Variants in DENND2B observed in about 807,000 individuals in gnomAD.
DENND2B encodes DENN domain containing 2B.
Under a neutral mutation model 116.0 loss-of-function variants are expected in DENND2B, and 32 were observed. The observed-to-expected ratio is 0.28, with a 90% CI of 0.21 to 0.37. The LOEUF (loss-of-function observed/expected upper bound fraction) is 0.37, where lower values mean the gene tolerates loss of function less well. Ranked by LOEUF, DENND2B falls within the 10% of genes least tolerant of loss-of-function variation. DENND2B has a pLI of 1.00. For synonymous variants in DENND2B, 588 were observed against 583.9 expected (o/e 1.01, Z -0.10); for missense variants, 1,276 against 1,477.7 (o/e 0.86, Z 2.24).
intron 3 of DENND2B, among the ~76,000 whole-genome samples, chr11:8,853,825 T>G (rs987953457): frequency 6.6e-6 from 1 of 151,936 alleles, no homozygotes; most frequent in Non-Finnish European, 1.5e-5. Flanking sequence ...TTTTTTAGAA[T>G]GTACTGCAAA....
intron 1 of DENND2B, among the ~76,000 whole-genome samples, chr11:8,764,356 G>A (rs574913572): frequency 5.9e-5 from 9 of 152,312 alleles, no homozygotes; most frequent in African/African-American, 2.2e-4. Flanking sequence ...TTTGGAAGTA[G>A]GAGAAGAAAG....
chr11:8,858,874 C>T (rs1485336025), intron 2 of DENND2B, among the ~76,000 whole-genome samples: 4 of 152,148 alleles, frequency 2.6e-5, no homozygotes, highest in Non-Finnish European at 4.4e-5. Context: ...AATAAAAATA[C>T]CTATATTATA....
chr11:8,756,865 C>T (rs148361038), intron 1 of DENND2B, among the ~76,000 whole-genome samples: 2 of 152,332 alleles, frequency 1.3e-5, no homozygotes, highest in East Asian at 3.9e-4. Context: ...TGATGAGAGG[C>T]TTCTTTGCTA....
intron 9 of DENND2B, 27 bp from the exon 10 acceptor site, chr11:8,711,258 G>T: frequency 6.2e-7 from 1 of 1,607,156 alleles, no homozygotes; most frequent in South Asian, 1.1e-5. Context: ...ACCAGGAGAT[G>T]ACATGGAACC....
intron 1 of DENND2B, among the ~76,000 whole-genome samples, chr11:8,806,547 T>C (rs960010589): frequency 2.7e-5 from 4 of 149,218 alleles, no homozygotes; most frequent in African/African-American, 9.9e-5. Flanking sequence ...AAGGGGTCTT[T>C]GGAGAAATTC....
intron 1 of DENND2B, among the ~76,000 whole-genome samples, chr11:8,884,826 G>A (rs548108057): frequency 6.6e-6 from 1 of 152,208 alleles, no homozygotes; most frequent in African/African-American, 2.4e-5. Flanking sequence ...CTTAAACAGG[G>A]AGCCATTCAT....
chr11:8,722,304 T>G (rs968426648), intron 4 of DENND2B, among the ~76,000 whole-genome samples: 5 of 152,124 alleles, frequency 3.3e-5, no homozygotes, highest in Non-Finnish European at 5.9e-5. Flanking sequence ...CCTCCACCTA[T>G]GACAGACAGG....
rs192123062 is a variant in DENND2B at position 8,839,986 on chromosome 11, G to C, written c.-155-636C>G. 3.4e-4 allele frequency among the ~76,000 whole-genome samples: 52 copies of C among 152,244 alleles called. 2 individuals carry two copies. The East Asian group carries it at 9.6e-3, about 28-fold the overall frequency. ...TCTATGAGACAAGGAGTTAAGCTAA[G>C]GGGAGTTTTGGGGTTTTTTTTCAAG... On this transcript the variant is annotated intron_variant, in intron 3 of 6. Coordinates refer to the DENND2B transcript ENST00000524757.
intron 1 of DENND2B, among the ~76,000 whole-genome samples, chr11:8,765,121 G>C (rs1486554737): frequency 6.6e-6 from 1 of 152,006 alleles, no homozygotes; most frequent in Non-Finnish European, 1.5e-5. Context: ...CCCATCTAGG[G>C]AAAGGGGCTC....
chr11:8,720,756 T>C (rs2046019172), intron 4 of DENND2B, among the ~76,000 whole-genome samples: 1 of 152,082 alleles, frequency 6.6e-6, no homozygotes. Context: ...GATGGAGATG[T>C]ACAGAGACAA....
chr11:8,727,688 G>A (rs1349271626), intron 3 of DENND2B, among the ~76,000 whole-genome samples: 1 of 152,160 alleles, frequency 6.6e-6, no homozygotes, highest in East Asian at 1.9e-4. Context: ...GAGCACAGTG[G>A]TTCGCAAATG....
intron 4 of DENND2B, among the ~76,000 whole-genome samples, chr11:8,819,966 A>T (rs2061702116): frequency 6.6e-6 from 1 of 152,260 alleles, no homozygotes; most frequent in Non-Finnish European, 1.5e-5. Flanking sequence ...CTTTTCTCTA[A>T]GTCTAAAATT....
At chr11:8,746,409 G>C (rs929017991) in intron 2 of DENND2B, among the ~76,000 whole-genome samples, 1 of 152,210 alleles carries the variant, frequency 6.6e-6, no homozygotes, top group African/African-American at 2.4e-5. Context: ...AAGTTACTGA[G>C]CCAGATATAT....
At chr11:8,853,879 C>T (rs1246595953) in intron 3 of DENND2B, among the ~76,000 whole-genome samples, 1 of 151,896 alleles carries the variant, frequency 6.6e-6, no homozygotes. Context: ...GACAAGGTCT[C>T]ACTCTGTCGC....
intron 1 of DENND2B, among the ~76,000 whole-genome samples, chr11:8,903,889 C>CAAAAAA (rs61317026): frequency 3.6e-4 from 27 of 75,332 alleles, no homozygotes; most frequent in African/African-American, 1.1e-3. Context: ...GACCTTGTCT[C>CAAAAAA]AAAAAAAAAA....
intron 13 of DENND2B, among the ~76,000 whole-genome samples, chr11:8,705,321 C>G (rs1482090475): frequency 2.0e-5 from 3 of 152,170 alleles, no homozygotes; most frequent in African/African-American, 7.2e-5. Flanking sequence ...CTTCCTCACA[C>G]CCATCACTTC....
At chr11:8,796,612 C>T (rs2059837251) in intron 1 of DENND2B, among the ~76,000 whole-genome samples, 1 of 152,174 alleles carries the variant, frequency 6.6e-6, no homozygotes, top group African/African-American at 2.4e-5. Flanking sequence ...TGGCCTGATA[C>T]ATTTCTTTTC....
At position 8,781,771 on chromosome 11, in the gene DENND2B, C is replaced by T. The variant is rs552960638; in HGVS notation, c.-26+28746G>A. On this transcript the variant is annotated intron_variant, in intron 1 of 19. Coordinates refer to ENST00000313726, the MANE Select transcript of DENND2B (RefSeq NM_213618.2). ...ATTAAGAACTTCTAAAGGAAAAAGA[C>T]GAAAACCCAACTGAAAAATAAGTAA... 6.6e-5 allele frequency among the ~76,000 whole-genome samples: 10 copies of T among 151,898 alleles called. No individual in the cohort carries two copies. The South Asian group carries it at 1.5e-3, about 22-fold the overall frequency.
Position 8,712,359 on chromosome 11 carries a change from C to T in DENND2B, c.2172+192G>A, listed in dbSNP as rs2043908209. On this transcript the variant is annotated intron_variant, in intron 9 of 19. Transcript: ENST00000313726. The surrounding 1 kb of genome is among the most constrained non-coding windows in gnomAD (Gnocchi z 4.4). ...TCTTTCTTAGTCCTCATCCTTTGAA[C>T]AAGCACTGGCCCAAACCCACCCCCG... is the stretch of plus-strand genomic sequence containing the variant. Among the ~76,000 whole-genome samples, 1 of 152,156 alleles carries T rather than the reference C, an allele frequency of 6.6e-6. No individual in the cohort carries two copies. Among genetic ancestry groups the T allele is most frequent in the Admixed American group, 6.5e-5 (1 of 15,276 alleles).
Sources: gnomAD v4.1 joint callset for allele counts (sites outside exome capture counted in the v4.1 genomes callset) on GRCh38, gnomAD v4.1.1 for gene constraint, Gnocchi (gnomAD v3.1) non-coding constraint, MANE v1.5 for transcripts, NCBI Gene and HGNC (gene_info 2026-07-23, HGNC 2026-07-21) for gene names.